The following TUSC3 variants were observed in gnomAD, a reference collection of about 807,000 sequenced individuals.
TUSC3 encodes the protein dolichyl-diphosphooligosaccharide--protein glycosyltransferase subunit TUSC3.
In TUSC3, 45 loss-of-function variants were observed where a neutral mutation model predicts 44.8. That is an observed-to-expected ratio of 1.00 (90% CI 0.79 to 1.29). The LOEUF (loss-of-function observed/expected upper bound fraction) is 1.29, where lower values mean the gene tolerates loss of function less well. TUSC3 is among the 50% of genes most tolerant of loss of function. The probability of loss-of-function intolerance (pLI) is 0.00; values close to 1 mark genes in which losing one functional copy is unlikely to be tolerated. For synonymous variants in TUSC3, 212 were observed against 152.9 expected (o/e 1.39, Z -2.85); for missense variants, 519 against 437.9 (o/e 1.19, Z -1.65).
chr8:15,471,061 C>T lies in TUSC3; in HGVS notation n.92-12325C>T, dbSNP rs115248590. Among the ~76,000 whole-genome samples the T allele has an allele frequency of 3.6e-3, 548 of 152,222 alleles. 3 individuals are homozygous for T. Among genetic ancestry groups the T allele is most frequent in the African/African-American group, 0.013 (529 of 41,514 alleles). On this transcript the variant is annotated intron_variant and non_coding_transcript_variant, in intron 1 of 5. Transcript: ENST00000503191. ...CAATAAAGGATGCAGTAAAAAAGTGCTCTGCAAACTCCCTTCTTTGTAATT... is the reference window on the plus strand; with the variant it reads ...CAATAAAGGATGCAGTAAAAAAGTGTTCTGCAAACTCCCTTCTTTGTAATT...
chr8:15,587,571 GA>G, intron 1 of TUSC3, among the ~76,000 whole-genome samples: 1 of 152,210 alleles, frequency 6.6e-6, no homozygotes, highest in South Asian at 2.1e-4. Context: ...TTTGTATTGG[GA>G]GCATCCAGAA....
chr8:15,756,136 C>T (rs1811918894), intron 9 of TUSC3, among the ~76,000 whole-genome samples: 1 of 152,148 alleles, frequency 6.6e-6, no homozygotes, highest in African/African-American at 2.4e-5. Context: ...GGGTTTAATT[C>T]TGTGTATTAG....
intron 2 of TUSC3, among the ~76,000 whole-genome samples, chr8:15,640,118 A>G (rs894533944): frequency 1.3e-5 from 2 of 152,172 alleles, no homozygotes; most frequent in African/African-American, 4.8e-5. Context: ...TTTACAAACA[A>G]TGTGGTTAAT....
intron 2 of TUSC3, among the ~76,000 whole-genome samples, chr8:15,534,453 C>G (rs1369186243): frequency 1.3e-5 from 2 of 151,954 alleles, no homozygotes; most frequent in African/African-American, 4.8e-5. Context: ...ACCATCCAAA[C>G]TAACACGGTG....
chr8:15,689,087 CT>C, intron 6 of TUSC3: 1 of 378,428 alleles, frequency 2.6e-6, no homozygotes, highest in Non-Finnish European at 5.2e-6. Context: ...TGTAGTTTGC[CT>C]TTCTTTTCTG....
intron 2 of TUSC3, among the ~76,000 whole-genome samples, chr8:15,519,093 A>G (rs1317901221): frequency 6.6e-6 from 1 of 152,142 alleles, no homozygotes; most frequent in East Asian, 1.9e-4. Flanking sequence ...CTTCTTGCTC[A>G]CTCTGATATA....
At chr8:15,438,485 T>A (rs1799979887) in intron 1 of TUSC3, among the ~76,000 whole-genome samples, 3 of 152,198 alleles carry the variant, frequency 2.0e-5, no homozygotes. Context: ...GGAGGTGTTA[T>A]TGTTTCTGCT....
chr8:15,622,879 T>C (rs1805315232), intron 1 of TUSC3, among the ~76,000 whole-genome samples: 2 of 152,144 alleles, frequency 1.3e-5, no homozygotes, highest in East Asian at 3.8e-4. Flanking sequence ...GTCTGGGATA[T>C]ATAAGGCCAA....
At chr8:15,423,218 A>C (rs1244886957) in intron 1 of TUSC3, among the ~76,000 whole-genome samples, 1 of 152,200 alleles carries the variant, frequency 6.6e-6, no homozygotes, top group African/African-American at 2.4e-5. Context: ...GTACAGACAC[A>C]CATAGATCCA....
chr8:15,445,253 A>C (rs74659099), intron 1 of TUSC3, among the ~76,000 whole-genome samples: 1 of 152,290 alleles, frequency 6.6e-6, no homozygotes, highest in Non-Finnish European at 1.5e-5. Flanking sequence ...GGAGAAAACT[A>C]TCATCTCTTC....
chr8:15,623,273 T>A (rs1351422907), intron 2 of TUSC3, 24 bp downstream of exon 2: 1 of 1,552,788 alleles, frequency 6.4e-7, no homozygotes, highest in Non-Finnish European at 8.7e-7. Context: ...TTAAAAAATA[T>A]TAAAAACTAT....
intron 1 of TUSC3, among the ~76,000 whole-genome samples, chr8:15,610,574 A>G (rs904373140): frequency 6.6e-5 from 10 of 152,330 alleles, no homozygotes; most frequent in African/African-American, 1.9e-4. Flanking sequence ...GATTTTATAT[A>G]TAAGTGAGAT....
intron 5 of TUSC3, among the ~76,000 whole-genome samples, chr8:15,664,497 G>T (rs1807570483): frequency 6.8e-6 from 1 of 146,792 alleles, no homozygotes; most frequent in Admixed American, 6.9e-5. Flanking sequence ...CTTTTACTGT[G>T]AATCTTGGAA....
At chr8:15,531,298 T>C (rs1801445550) in intron 2 of TUSC3, among the ~76,000 whole-genome samples, 1 of 152,182 alleles carries the variant, frequency 6.6e-6, no homozygotes, top group Non-Finnish European at 1.5e-5. Flanking sequence ...TCTTGCTCTG[T>C]CTCCCAGGCT....
chr8:15,593,046 A>C (rs1424360248), intron 1 of TUSC3, among the ~76,000 whole-genome samples: 2 of 152,156 alleles, frequency 1.3e-5, no homozygotes, highest in African/African-American at 2.4e-5. Flanking sequence ...TATAGATAAT[A>C]TTTAACATAA....
intron 6 of TUSC3, among the ~76,000 whole-genome samples, chr8:15,681,707 G>C (rs539292820): frequency 1.3e-5 from 2 of 151,738 alleles, no homozygotes; most frequent in African/African-American, 2.4e-5. Context: ...ATTTTTGTCT[G>C]CTACCTTTTG....
intron 2 of TUSC3, among the ~76,000 whole-genome samples, chr8:15,494,637 T>C (rs914283689): frequency 6.6e-6 from 1 of 152,278 alleles, no homozygotes; most frequent in African/African-American, 2.4e-5. Context: ...TTATCAAGAT[T>C]TCCAGCACAC....
At chr8:15,804,441 C>G in the TUSC3 span, among the ~76,000 whole-genome samples, 1 of 152,058 alleles carries the variant, frequency 6.6e-6, no homozygotes, top group African/African-American at 2.4e-5. Flanking sequence ...AGGTTTTCTT[C>G]TAGGATTTTC....
At chr8:15,603,718 T>TGAATG (rs1281049821) in intron 1 of TUSC3, among the ~76,000 whole-genome samples, 3 of 151,478 alleles carry the variant, frequency 2.0e-5, no homozygotes, top group African/African-American at 7.3e-5. Context: ...ATATCAGCAA[T>TGAATG]GAATGGAATG....
Sources: allele counts gnomAD v4.1 joint callset (sites outside exome capture counted in the v4.1 genomes callset), GRCh38; gene constraint gnomAD v4.1.1; transcripts MANE v1.5; gene names NCBI Gene and HGNC (gene_info 2026-07-23, HGNC 2026-07-21).